SGCZ: variants seen among roughly 807,000 people sequenced by gnomAD.
SGCZ encodes zeta-sarcoglycan.
In SGCZ, 40 loss-of-function variants were observed where a neutral mutation model predicts 41.3. The ratio of observed to expected loss-of-function variants is 0.97; its 90% CI spans 0.75 to 1.26. The LOEUF (loss-of-function observed/expected upper bound fraction) is 1.26, where lower values mean the gene tolerates loss of function less well. Ranked by LOEUF, SGCZ falls within the 50% of genes most tolerant of loss-of-function variation. The pLI is 0.00. For synonymous variants in SGCZ, 206 were observed against 137.5 expected (o/e 1.50, Z -3.49); for missense variants, 552 against 369.8 (o/e 1.49, Z -4.04).
intron 4 of SGCZ, among the ~76,000 whole-genome samples, chr8:14,188,890 G>A (rs1804999291): frequency 6.9e-6 from 1 of 144,320 alleles, no homozygotes; most frequent in South Asian, 2.2e-4. Flanking sequence ...GGAGTGCAAT[G>A]GCACATTCTC....
chr8:14,245,469 T>C (rs1291769642), intron 3 of SGCZ, among the ~76,000 whole-genome samples: 1 of 152,162 alleles, frequency 6.6e-6, no homozygotes, highest in Non-Finnish European at 1.5e-5. Flanking sequence ...GACTTAAACG[T>C]TAGATCTAAA....
chr8:14,819,753 A>G (rs1802017473), intron 1 of SGCZ, among the ~76,000 whole-genome samples: 1 of 152,180 alleles, frequency 6.6e-6, no homozygotes, highest in Non-Finnish European at 1.5e-5. Flanking sequence ...AAAATTGTAG[A>G]GTATTTCTAT....
intron 1 of SGCZ, among the ~76,000 whole-genome samples, chr8:14,870,618 G>A (rs193209624): frequency 6.6e-6 from 1 of 151,960 alleles, no homozygotes; most frequent in Non-Finnish European, 1.5e-5. Context: ...CTTCTGCACA[G>A]CAAAAGAAAC....
intron 1 of SGCZ, among the ~76,000 whole-genome samples, chr8:14,960,730 A>C (rs966955172): frequency 7.9e-5 from 12 of 152,100 alleles, no homozygotes; most frequent in Non-Finnish European, 1.2e-4. Flanking sequence ...GTGAAGAAAT[A>C]GCCAAAGAAG....
chr8:14,463,793 C>G (rs1800970485), intron 2 of SGCZ, among the ~76,000 whole-genome samples: 1 of 151,596 alleles, frequency 6.6e-6, no homozygotes, highest in Non-Finnish European at 1.5e-5. Flanking sequence ...AAGTTTCCCT[C>G]TACTCTTAGT....
At chr8:14,664,008 T>C (rs977589253) in intron 1 of SGCZ, among the ~76,000 whole-genome samples, 1 of 152,116 alleles carries the variant, frequency 6.6e-6, no homozygotes, top group East Asian at 1.9e-4. Context: ...AGCAAGAAAA[T>C]TTTAACATAA....
At chr8:14,674,928 G>GCTTTTTTTTTTTTTT (rs1554478141) in intron 1 of SGCZ, among the ~76,000 whole-genome samples, 1,128 of 71,016 alleles carry the variant, frequency 0.016, 325 homozygotes, top group African/African-American at 0.045. Context: ...TTTCTTTTCT[G>GCTTTTTTTTTTTTTT]TTTTTTTTTT....
chr8:14,247,592 G>C (rs1484742950), intron 3 of SGCZ, among the ~76,000 whole-genome samples: 1 of 152,184 alleles, frequency 6.6e-6, no homozygotes, highest in Non-Finnish European at 1.5e-5. Flanking sequence ...AGACACTGCT[G>C]TTGCTTTAGT....
chr8:14,418,695 C>T (rs1173249455), intron 2 of SGCZ, among the ~76,000 whole-genome samples: 2 of 151,650 alleles, frequency 1.3e-5, no homozygotes, highest in Non-Finnish European at 2.9e-5. Context: ...GTAAACATGC[C>T]ACAATCAATT....
At chr8:14,913,021 G>T (rs963470272) in intron 1 of SGCZ, among the ~76,000 whole-genome samples, 2 of 151,862 alleles carry the variant, frequency 1.3e-5, no homozygotes, top group Non-Finnish European at 2.9e-5. Flanking sequence ...AAAATATCAT[G>T]ACAACTTTTC....
At position 14,561,019 on chromosome 8, in the gene SGCZ, G is replaced by A. The variant is rs141152988; in HGVS notation, c.40-6093C>T. On this transcript the variant is annotated intron_variant, in intron 1 of 7. Coordinates refer to ENST00000382080, the MANE Select transcript of SGCZ (RefSeq NM_139167.4). ...AGCATCTACGCTGCAGTAAGAAAAG[G>A]TTAGACTTTTCTTTTAAAAGTTCCT... 3.1e-3 allele frequency among the ~76,000 whole-genome samples: 473 copies of A among 152,108 alleles called. 4 individuals carry two copies. Among genetic ancestry groups the A allele is most frequent in the African/African-American group, 0.011 (457 of 41,530 alleles).
intron 2 of SGCZ, among the ~76,000 whole-genome samples, chr8:14,389,464 C>G (rs188829549): frequency 6.8e-6 from 1 of 147,818 alleles, no homozygotes; most frequent in African/African-American, 2.5e-5. Flanking sequence ...AAATCACAAA[C>G]TAACCTGACA....
chr8:14,894,216 A>G (rs536026412), intron 1 of SGCZ, among the ~76,000 whole-genome samples: 2 of 152,142 alleles, frequency 1.3e-5, no homozygotes, highest in African/African-American at 2.4e-5. Flanking sequence ...TTTTTTTTCA[A>G]TTGTGTTAGC....
intron 1 of SGCZ, among the ~76,000 whole-genome samples, chr8:14,850,233 T>G (rs191502466): frequency 6.6e-6 from 1 of 152,320 alleles, no homozygotes; most frequent in Non-Finnish European, 1.5e-5. Flanking sequence ...GTTCATTCAA[T>G]AACAATTTAC....
chr8:14,522,485 G>T (rs139295924), intron 2 of SGCZ, among the ~76,000 whole-genome samples: 1 of 151,728 alleles, frequency 6.6e-6, no homozygotes, highest in Non-Finnish European at 1.5e-5. Context: ...AAAATAATTC[G>T]TCTATTTCAA....
At chr8:14,627,781 C>A (rs73188111) in intron 1 of SGCZ, among the ~76,000 whole-genome samples, 7,303 of 151,862 alleles carry the variant, frequency 0.048, 221 homozygotes, top group South Asian at 0.14. Context: ...ATGAATACGT[C>A]TGCTGACCTC....
intron 2 of SGCZ, among the ~76,000 whole-genome samples, chr8:14,503,370 A>G (rs572105841): frequency 2.0e-5 from 3 of 152,222 alleles, no homozygotes; most frequent in East Asian, 1.9e-4. Flanking sequence ...GAGTGCAGAA[A>G]CCACCATGGC....
chr8:14,849,787 AC>A (rs1803252261), intron 1 of SGCZ, among the ~76,000 whole-genome samples: 1 of 152,138 alleles, frequency 6.6e-6, no homozygotes, highest in Non-Finnish European at 1.5e-5. Flanking sequence ...AATATGGAAA[AC>A]TGTGCTTCAA....
chr8:15,100,360 C>T (rs1403308704), intron 1 of SGCZ, among the ~76,000 whole-genome samples: 2 of 152,062 alleles, frequency 1.3e-5, no homozygotes, highest in African/African-American at 4.8e-5. Context: ...TATTATTACA[C>T]ACACATCAAA....
Sources: allele counts gnomAD v4.1 joint callset (sites outside exome capture counted in the v4.1 genomes callset), GRCh38; gene constraint gnomAD v4.1.1; transcripts MANE v1.5; gene names NCBI Gene and HGNC (gene_info 2026-07-23, HGNC 2026-07-21).